ADGRL2: variants seen among roughly 807,000 people sequenced by gnomAD.
ADGRL2 encodes adhesion G protein-coupled receptor L2.
In ADGRL2, 44 loss-of-function variants were observed where a neutral mutation model predicts 157.4. The ratio of observed to expected loss-of-function variants is 0.28; its 90% CI spans 0.22 to 0.36. The LOEUF (loss-of-function observed/expected upper bound fraction) is 0.36, where lower values mean the gene tolerates loss of function less well. Among genes scored for constraint, ADGRL2 ranks in the 10% least tolerant of loss-of-function variants. ADGRL2 has a pLI of 1.00. For synonymous variants in ADGRL2, 585 were observed against 624.7 expected, an observed-to-expected ratio of 0.94 and a Z score of 0.95; for missense variants, 1,510 against 1,768.9, an observed-to-expected ratio of 0.85 and a Z score of 2.63.
At chr1:81,469,533 A>G (rs1444373618) in intron 2 of ADGRL2, among the ~76,000 whole-genome samples, 1 of 152,038 alleles carries the variant, frequency 6.6e-6, no homozygotes, top group African/African-American at 2.4e-5. Flanking sequence ...GCTCTTATTC[A>G]ATTTCCTATC....
chr1:81,535,958 T>C (rs1191214274), intron 2 of ADGRL2, among the ~76,000 whole-genome samples: 1 of 152,230 alleles, frequency 6.6e-6, no homozygotes, highest in African/African-American at 2.4e-5. Flanking sequence ...TAAAATTTCC[T>C]AACTGCACAT....
chr1:81,695,987 T>C (rs1169852337), upstream of ADGRL2, among the ~76,000 whole-genome samples: 1 of 152,128 alleles, frequency 6.6e-6, no homozygotes, highest in Non-Finnish European at 1.5e-5. Flanking sequence ...TTGTAATTTA[T>C]TATAGAGAAA....
chr1:81,966,570 C>T lies in ADGRL2; in HGVS notation c.2310C>T (p.Tyr770=), dbSNP rs370316546. 15 of 1,613,872 alleles carry T rather than the reference C, an allele frequency of 9.3e-6. No individual in the cohort carries two copies. The African/African-American group carries it at 1.6e-4, about 17-fold the overall frequency. Residue 770 remains tyrosine, a synonymous_variant, in exon 13 of 24, where the codon TAC becomes TAT. Transcript: ENST00000686636. Reference sequence around the variant, plus strand: ...TCAATAAAGAGTCCAGCCGAGTATACCTGACTGATCCTGTGCTTTTTACCC... The same window carrying T: ...TCAATAAAGAGTCCAGCCGAGTATATCTGACTGATCCTGTGCTTTTTACCC... ...VSINKESSRV[Y]LTDPVLFTLP... is the part of the protein sequence containing the mutation.
intron 2 of ADGRL2, among the ~76,000 whole-genome samples, chr1:81,842,916 T>C (rs1403148527): frequency 6.6e-6 from 1 of 152,080 alleles, no homozygotes; most frequent in Non-Finnish European, 1.5e-5. Context: ...TTAACTACTT[T>C]TGTTCATTTC....
intron 3 of ADGRL2, among the ~76,000 whole-genome samples, chr1:81,935,200 T>C (rs1304722140): frequency 6.6e-6 from 1 of 151,840 alleles, no homozygotes. Flanking sequence ...GTGAACCAAA[T>C]TAAGAGAAAT....
intron 3 of ADGRL2, among the ~76,000 whole-genome samples, chr1:81,598,554 T>A (rs920499542): frequency 6.6e-6 from 1 of 152,190 alleles, no homozygotes; most frequent in African/African-American, 2.4e-5. Flanking sequence ...CCAGTATACA[T>A]TGCCAAGGTT....
chr1:81,439,124 C>T (rs887400384), intron 1 of ADGRL2, among the ~76,000 whole-genome samples: 3 of 152,134 alleles, frequency 2.0e-5, no homozygotes, highest in South Asian at 2.1e-4. Flanking sequence ...AATATCAAAA[C>T]CCCCTCTTTC....
At chr1:81,870,446 G>A (rs1188658069) in intron 2 of ADGRL2, among the ~76,000 whole-genome samples, 1 of 151,918 alleles carries the variant, frequency 6.6e-6, no homozygotes, top group African/African-American at 2.4e-5. Flanking sequence ...GAAATTGCAA[G>A]GATCAATTTT....
chr1:81,885,996 C>G (rs1443767831), intron 2 of ADGRL2, among the ~76,000 whole-genome samples: 1 of 152,150 alleles, frequency 6.6e-6, no homozygotes, highest in East Asian at 1.9e-4. Context: ...CGATGGTAAT[C>G]AATGCTTACT....
chr1:81,464,269 C>T (rs2078003744), intron 2 of ADGRL2, among the ~76,000 whole-genome samples: 1 of 151,942 alleles, frequency 6.6e-6, no homozygotes, highest in Non-Finnish European at 1.5e-5. Context: ...TTTTCCTCTC[C>T]CTATCTCTCC....
At chr1:81,370,538 C>A (rs898527079) in intron 1 of ADGRL2, among the ~76,000 whole-genome samples, 2 of 151,874 alleles carry the variant, frequency 1.3e-5, no homozygotes, top group African/African-American at 4.8e-5. Context: ...AAAATTATAC[C>A]CACAACATAC....
intron 17 of ADGRL2, among the ~76,000 whole-genome samples, chr1:81,978,756 T>C (rs1346742839): frequency 6.6e-6 from 1 of 151,802 alleles, no homozygotes; most frequent in Non-Finnish European, 1.5e-5. Context: ...TCATGTGATA[T>C]TGTGACTCAG....
At chr1:81,691,148 CTGTT>C (rs1259962594) in intron 3 of ADGRL2, among the ~76,000 whole-genome samples, 1 of 152,204 alleles carries the variant, frequency 6.6e-6, no homozygotes, top group Non-Finnish European at 1.5e-5. Context: ...TGAGAGGTCA[CTGTT>C]TGGCAGGACC....
At chr1:81,950,728 A>C (rs1651514206) in intron 7 of ADGRL2, among the ~76,000 whole-genome samples, 3 of 152,168 alleles carry the variant, frequency 2.0e-5, no homozygotes, top group Admixed American at 2.0e-4. Flanking sequence ...CCAAGACTCT[A>C]GTGAGTCTTC....
chr1:81,705,580 C>G (rs1347729311), intron 1 of ADGRL2, among the ~76,000 whole-genome samples: 2 of 151,810 alleles, frequency 1.3e-5, no homozygotes, highest in African/African-American at 4.8e-5. Flanking sequence ...ATTCCTGTAG[C>G]CAGGTCAGCC....
At chr1:81,743,393 G>GC (rs571644758) in intron 1 of ADGRL2, among the ~76,000 whole-genome samples, 1 of 136,850 alleles carries the variant, frequency 7.3e-6, no homozygotes, top group Non-Finnish European at 1.6e-5. Flanking sequence ...ATAACAGAAG[G>GC]TTTTTTTTTT....
At chr1:81,861,076 G>A (rs1218511351) in intron 2 of ADGRL2, among the ~76,000 whole-genome samples, 1 of 149,654 alleles carries the variant, frequency 6.7e-6, no homozygotes, top group African/African-American at 2.5e-5. Flanking sequence ...GAGTGCAATG[G>A]CACAATCTCG....
chr1:81,406,548 C>T (rs779493653), intron 1 of ADGRL2, among the ~76,000 whole-genome samples: 8 of 152,286 alleles, frequency 5.3e-5, no homozygotes, highest in East Asian at 1.9e-4. Context: ...GTCAGAGAAA[C>T]GCAGCCATCC....
chr1:81,475,336 C>G (rs1442189841), intron 2 of ADGRL2, among the ~76,000 whole-genome samples: 1 of 152,096 alleles, frequency 6.6e-6, no homozygotes, highest in Non-Finnish European at 1.5e-5. Context: ...TGAGTACCAT[C>G]TCAGTTTTTA....
Sources: allele counts gnomAD v4.1 joint callset (sites outside exome capture counted in the v4.1 genomes callset), GRCh38; gene constraint gnomAD v4.1.1; transcripts MANE v1.5; gene names NCBI Gene and HGNC (gene_info 2026-07-23, HGNC 2026-07-21).